Variants in FKTN observed in about 807,000 individuals in gnomAD.
The protein encoded by FKTN is ribitol-5-phosphate transferase FKTN.
In FKTN, 47 loss-of-function variants were observed where a neutral mutation model predicts 58.6. That is an observed-to-expected ratio of 0.80 (90% CI 0.63 to 1.02). The LOEUF (loss-of-function observed/expected upper bound fraction) is 1.02, where lower values mean the gene tolerates loss of function less well. FKTN is among the 50% of genes least tolerant of loss of function. The pLI is 0.00. For missense variants in FKTN, 516 were observed against 537.3 expected (o/e 0.96, Z 0.39); for synonymous variants, 178 against 191.9 (o/e 0.93, Z 0.60).
intron 9 of FKTN, among the ~76,000 whole-genome samples, chr9:105,618,408 A>G (rs1003636108): frequency 5.9e-5 from 9 of 152,170 alleles, no homozygotes; most frequent in Non-Finnish European, 1.0e-4. Context: ...TTAGGCAACA[A>G]TGTAATATAA....
chr9:105,570,716 C>T (rs1183459775), intron 1 of FKTN, among the ~76,000 whole-genome samples: 1 of 151,956 alleles, frequency 6.6e-6, no homozygotes, highest in African/African-American at 2.4e-5. Flanking sequence ...CATCTGTGCC[C>T]ATTAAGGTAG....
At chr9:105,566,844 AAAG>A (rs1184147311) in intron 1 of FKTN, among the ~76,000 whole-genome samples, 1 of 152,066 alleles carries the variant, frequency 6.6e-6, no homozygotes, top group African/African-American at 2.4e-5. Flanking sequence ...CATAACAAAA[AAAG>A]AGAATTTTAG....
intron 8 of FKTN, among the ~76,000 whole-genome samples, chr9:105,616,287 A>AT (rs1247060980): frequency 6.6e-6 from 1 of 152,156 alleles, no homozygotes; most frequent in Non-Finnish European, 1.5e-5. Flanking sequence ...TTTTATAATT[A>AT]TAAAAAACCC....
At chr9:105,597,397 A>G (rs988875232) in intron 4 of FKTN, among the ~76,000 whole-genome samples, 1 of 152,186 alleles carries the variant, frequency 6.6e-6, no homozygotes, top group African/African-American at 2.4e-5. Flanking sequence ...ACTGTTTAAA[A>G]GTAAAGTCTG....
Position 105,585,213 on chromosome 9 carries a change from C to A in FKTN, c.105+10076C>A, listed in dbSNP as rs542950724. ...GCTTAGGCGAGAGGATCGCTTGAGC[C>A]CAGGAATTCAAGACCAGCCTGGGCA... On this transcript the variant is annotated intron_variant, in intron 3 of 10. Transcript: ENST00000357998. Among the ~76,000 whole-genome samples, 13 of 152,062 alleles carry A rather than the reference C, an allele frequency of 8.5e-5. No individual in the cohort carries two copies. The South Asian group carries it at 2.1e-3, about 24-fold the overall frequency.
intron 10 of FKTN, among the ~76,000 whole-genome samples, chr9:105,621,382 A>G (rs942744360): frequency 1.3e-5 from 2 of 152,168 alleles, no homozygotes; most frequent in African/African-American, 4.8e-5. Context: ...TAACACTACT[A>G]TTCCTTGGGG....
chr9:105,617,663 A>G (rs1305305013), intron 8 of FKTN, among the ~76,000 whole-genome samples: 1 of 151,968 alleles, frequency 6.6e-6, no homozygotes. Flanking sequence ...TAGAAGGTTC[A>G]GGTGACTGCT....
intron 2 of FKTN, 53 bp downstream of exon 2, chr9:105,573,799 G>A (rs1012521582): frequency 6.6e-6 from 1 of 152,166 alleles, no homozygotes; most frequent in Non-Finnish European, 1.5e-5. Flanking sequence ...TTACCTATCA[G>A]GAGTTGGTTT....
intron 1 of FKTN, among the ~76,000 whole-genome samples, chr9:105,561,868 A>G (rs569845095): frequency 3.9e-5 from 6 of 152,164 alleles, no homozygotes; most frequent in Non-Finnish European, 7.4e-5. Context: ...GGAAGATTTG[A>G]TAGTAGCTGT....
chr9:105,593,869 C>T (rs1363942254), intron 3 of FKTN, among the ~76,000 whole-genome samples: 1 of 152,114 alleles, frequency 6.6e-6, no homozygotes. Flanking sequence ...TGATGATGCT[C>T]AGCAGAGTGA....
At position 105,639,325 on chromosome 9, in the gene FKTN, C is replaced by T. The variant is rs1370381350; in HGVS notation, c.*4061C>T. 1 of 973,290 alleles carries T rather than the reference C, an allele frequency of 1.0e-6. No homozygotes were observed. The highest frequency in any genetic ancestry group is 1.1e-4 in the East Asian group (1 of 8,742). 60.3% of individuals were successfully genotyped at this position (973,290 alleles called of 1,614,324 possible). On this transcript the variant is annotated 3_prime_UTR_variant, in exon 11 of 11. Transcript: ENST00000357998. Reference sequence around the variant, plus strand: ...TCACTCAGGGAAGGCAATGTGTTGCCATAAAAAGACCACAAGCTTTTGAGT... The same window carrying T: ...TCACTCAGGGAAGGCAATGTGTTGCTATAAAAAGACCACAAGCTTTTGAGT...
rs549603167 is a variant in FKTN, at chr9:105,635,461, G to T, written c.*197G>T. Reference sequence around the variant, plus strand: ...TTTCATGTGCCACATACAATGCTAGGTTACAGTGGAGAAGCCTAGATGAAT... The same window carrying T: ...TTTCATGTGCCACATACAATGCTAGTTTACAGTGGAGAAGCCTAGATGAAT... On this transcript the variant is annotated 3_prime_UTR_variant, in exon 11 of 11. Coordinates refer to ENST00000357998, the MANE Select transcript of FKTN (RefSeq NM_001079802.2). The T allele has an allele frequency of 3.8e-4, 545 of 1,438,368 alleles. No individual in the cohort carries two copies. The highest frequency in any genetic ancestry group is 4.7e-4 in the Non-Finnish European group (513 of 1,103,018). The allele number at this position is 1,438,368 out of a possible 1,614,324, so 89.1% of individuals were successfully genotyped here. A position where few individuals can be genotyped will look rare whatever the true frequency, so the allele number is the denominator to read the frequency against.
At position 105,636,358 on chromosome 9, in the gene FKTN, G is replaced by C; in HGVS notation, c.*1094G>C. 2.0e-6 allele frequency: 2 copies of C among 983,982 alleles called. No individual in the cohort carries two copies. The highest frequency in any genetic ancestry group is 2.4e-6 in the Non-Finnish European group (2 of 828,648). The allele number at this position is 983,982 out of a possible 1,614,324, so 61.0% of individuals were successfully genotyped here. On this transcript the variant is annotated 3_prime_UTR_variant, in exon 11 of 11. Coordinates refer to ENST00000357998, the MANE Select transcript of FKTN (RefSeq NM_001079802.2). ...TTTCTTCTCCTCTTCTAATATATCA[G>C]ATCTCCAAAATGGAAGCTAAATGGT...
At chr9:105,558,526 A>G (rs1837627661) in intron 1 of FKTN, among the ~76,000 whole-genome samples, 1 of 152,096 alleles carries the variant, frequency 6.6e-6, no homozygotes, top group African/African-American at 2.4e-5. Flanking sequence ...TTGGCCTCTC[A>G]AAGTGCTGAG....
chr9:105,637,667 A>C lies in FKTN; in HGVS notation c.*2403A>C. ...TCATTCTCCTAATCTGACCACTTTC[A>C]GGTTTAGTTTACCTGGCTTACCTGG... On this transcript the variant is annotated 3_prime_UTR_variant, in exon 11 of 11. Coordinates refer to ENST00000357998, the MANE Select transcript of FKTN (RefSeq NM_001079802.2). 1 of 985,320 alleles carries C rather than the reference A, an allele frequency of 1.0e-6. No individual in the cohort carries two copies. Among genetic ancestry groups the C allele is most frequent in the Admixed American group, 6.1e-5 (1 of 16,268 alleles). The allele number at this position is 985,320 out of a possible 1,614,324, so 61.0% of individuals were successfully genotyped here. A position where few individuals can be genotyped will look rare whatever the true frequency, so the allele number is the denominator to read the frequency against.
chr9:105,611,907 G>A (rs1456328534), intron 7 of FKTN, among the ~76,000 whole-genome samples: 1 of 151,938 alleles, frequency 6.6e-6, no homozygotes, highest in East Asian at 1.9e-4. Context: ...CTGTCTTTAG[G>A]TCATTGAGGA....
At chr9:105,615,653 G>A (rs1380630660) in intron 8 of FKTN, among the ~76,000 whole-genome samples, 3 of 152,130 alleles carry the variant, frequency 2.0e-5, no homozygotes, top group African/African-American at 7.2e-5. Context: ...TGTATAAAAT[G>A]TATATCAGAA....
intron 3 of FKTN, among the ~76,000 whole-genome samples, chr9:105,583,598 A>G (rs1843403709): frequency 6.6e-6 from 1 of 152,102 alleles, no homozygotes; most frequent in African/African-American, 2.4e-5. Flanking sequence ...TATAGTTTGA[A>G]GAATATTAAA....
chr9:105,579,885 T>C (rs1037283428), intron 3 of FKTN, among the ~76,000 whole-genome samples: 1 of 152,070 alleles, frequency 6.6e-6, no homozygotes, highest in Non-Finnish European at 1.5e-5. Flanking sequence ...GCTAGTTAGC[T>C]CTTCTTGTTG....
Sources: gnomAD v4.1 joint callset for allele counts (sites outside exome capture counted in the v4.1 genomes callset) on GRCh38, gnomAD v4.1.1 for gene constraint, MANE v1.5 for transcripts, NCBI Gene and HGNC (gene_info 2026-07-23, HGNC 2026-07-21) for gene names.